Variants in TMEM207 observed in about 807,000 individuals in gnomAD.
The protein encoded by TMEM207 is SRSR846.
In TMEM207, 15 loss-of-function variants were observed where a neutral mutation model predicts 17.4. The observed-to-expected ratio is 0.86, with a 90% confidence interval of 0.58 to 1.33. The LOEUF is 1.33. TMEM207 is among the 40% of genes most tolerant of loss of function. The pLI, the probability that TMEM207 is intolerant of heterozygous loss-of-function variation, is 0.00. For synonymous variants in TMEM207, 70 were observed against 65.6 expected (o/e 1.07, Z -0.33); for missense variants, 205 against 173.8 (o/e 1.18, Z -1.01).
Position 190,441,489 on chromosome 3 carries a change from A to G in TMEM207, c.114-7T>C, listed in dbSNP as rs1719936387. The stretch of plus-strand genomic sequence containing the variant: ...GTCATTATAATTTACACACCTGGTG[A>G]TAAAGGGAGAGCGTTAGTCCTGGAA... On this transcript the variant is annotated splice_polypyrimidine_tract_variant and splice_region_variant and intron_variant, in intron 2 of 4. Transcript: ENST00000354905. 6.2e-7 allele frequency: 1 copy of G among 1,610,208 alleles called. No homozygotes were observed. Among genetic ancestry groups the G allele is most frequent in the Admixed American group, 1.7e-5 (1 of 59,424 alleles).
At chr3:190,444,723 G>A (rs1246148585) in intron 2 of TMEM207, among the ~76,000 whole-genome samples, 3 of 152,152 alleles carry the variant, frequency 2.0e-5, no homozygotes, top group Admixed American at 2.0e-4. Flanking sequence ...TTACTCACCA[G>A]ATGTACAACT....
chr3:190,447,437 C>T (rs937448000), intron 2 of TMEM207, among the ~76,000 whole-genome samples: 2 of 152,010 alleles, frequency 1.3e-5, no homozygotes, highest in African/African-American at 4.8e-5. Flanking sequence ...AAAACTGCCT[C>T]CCTTGGTCAC....
At chr3:190,438,960 C>A (rs537254577) in intron 4 of TMEM207, among the ~76,000 whole-genome samples, 4 of 151,946 alleles carry the variant, frequency 2.6e-5, no homozygotes, top group South Asian at 4.1e-4. Flanking sequence ...GAGGCCGAGG[C>A]GGGCGGATCA....
At chr3:190,449,401 T>A (rs1720114008) in intron 1 of TMEM207, among the ~76,000 whole-genome samples, 1 of 152,196 alleles carries the variant, frequency 6.6e-6, no homozygotes, top group Non-Finnish European at 1.5e-5. Context: ...ATGTCTTAAA[T>A]TAATCTAGCC....
At chr3:190,442,065 C>T (rs1719948604) in intron 2 of TMEM207, among the ~76,000 whole-genome samples, 1 of 152,194 alleles carries the variant, frequency 6.6e-6, no homozygotes, top group South Asian at 2.1e-4. Flanking sequence ...AGTTGACCCT[C>T]CTGTGTGTGT....
intron 4 of TMEM207, among the ~76,000 whole-genome samples, chr3:190,433,555 G>C (rs1181990649): frequency 1.3e-5 from 2 of 152,034 alleles, no homozygotes; most frequent in Non-Finnish European, 2.9e-5. Flanking sequence ...AGAGATTTGG[G>C]ATACAGATGG....
At chr3:190,435,241 G>C (rs1335242357) in intron 4 of TMEM207, among the ~76,000 whole-genome samples, 2 of 152,096 alleles carry the variant, frequency 1.3e-5, no homozygotes. Flanking sequence ...GGCAGGGTAG[G>C]TTTCTTCTGA....
At chr3:190,431,541 G>A (rs1293833404) in intron 4 of TMEM207, among the ~76,000 whole-genome samples, 1 of 152,068 alleles carries the variant, frequency 6.6e-6, no homozygotes, top group African/African-American at 2.4e-5. Context: ...AGTTTGGGTT[G>A]ATGTCAGATA....
chr3:190,441,240 A>T (rs1253611823), intron 3 of TMEM207, among the ~76,000 whole-genome samples, 198 bp downstream of exon 3: 1 of 152,186 alleles, frequency 6.6e-6, no homozygotes, highest in East Asian at 1.9e-4. Flanking sequence ...TTATTTTTTA[A>T]AATAGTGAGT....
At chr3:190,438,289 GT>G (rs568899556) in intron 4 of TMEM207, among the ~76,000 whole-genome samples, 4 of 145,062 alleles carry the variant, frequency 2.8e-5, no homozygotes, top group South Asian at 4.4e-4. Context: ...AGGTTGTTTG[GT>G]TTTTTTTTCT....
intron 2 of TMEM207, 118 bp from the exon 3 acceptor site, chr3:190,441,600 C>T (rs1719939664): frequency 1.4e-6 from 1 of 719,908 alleles, no homozygotes; most frequent in Admixed American, 2.6e-5. Context: ...CCTACATATT[C>T]CCATACCAGC....
At chr3:190,438,933 T>A (rs568304361) in intron 4 of TMEM207, among the ~76,000 whole-genome samples, 3 of 152,252 alleles carry the variant, frequency 2.0e-5, no homozygotes, top group East Asian at 3.9e-4. Flanking sequence ...CTCACGCCTG[T>A]AATCCCAGCA....
At chr3:190,433,365 T>C (rs752688895) in intron 4 of TMEM207, among the ~76,000 whole-genome samples, 8 of 152,202 alleles carry the variant, frequency 5.3e-5, no homozygotes, top group Non-Finnish European at 1.0e-4. Context: ...AACTCCAAAA[T>C]TCCTTTGACA....
chr3:190,440,139 A>G, intron 4 of TMEM207, 105 bp downstream of exon 4: 1 of 1,399,738 alleles, frequency 7.1e-7, no homozygotes, highest in Non-Finnish European at 9.6e-7. Context: ...AATAAGCCAC[A>G]TCTTTTTCTA....
intron 1 of TMEM207, among the ~76,000 whole-genome samples, chr3:190,449,195 G>A (rs878859152): frequency 6.6e-6 from 1 of 152,140 alleles, no homozygotes; most frequent in South Asian, 2.1e-4. Flanking sequence ...AAGAGGTAAG[G>A]AAAGCTATAA....
chr3:190,434,621 G>GA (rs1222985469), intron 4 of TMEM207, among the ~76,000 whole-genome samples: 5 of 151,888 alleles, frequency 3.3e-5, no homozygotes, highest in Non-Finnish European at 7.4e-5. Flanking sequence ...CAAAAAGAAT[G>GA]AAAAAAAATT....
rs775585472 is a variant in TMEM207, at chr3:190,447,789, C to T, written c.113+1G>A. The T allele has an allele frequency of 3.1e-6, 5 of 1,611,560 alleles. No individual in the cohort carries two copies. Among genetic ancestry groups the T allele is most frequent in the East Asian group, 2.2e-5 (1 of 44,802 alleles). ...CATGGAGTTTTTCGCTGTTTACTTA[C>T]ATTTCATCTTCTTCGCATGGTAGGT... is the stretch of plus-strand genomic sequence containing the variant. On this transcript the variant is annotated splice_donor_variant, in intron 2 of 4. Transcript: ENST00000354905. LOFTEE classifies it high-confidence loss of function.
chr3:190,436,591 A>G (rs1421758283), intron 4 of TMEM207, among the ~76,000 whole-genome samples: 2 of 152,216 alleles, frequency 1.3e-5, no homozygotes, highest in East Asian at 3.9e-4. Flanking sequence ...TGTAGCCACA[A>G]AAGCAAGTGG....
rs894630921 is a variant in TMEM207, at chr3:190,448,349, A to G, written c.76-522T>C. ...TAAGGTCCATTTAAGATCACATGAC[A>G]TTCCAGTTGAGATTTACAGTCTTCT... On this transcript the variant is annotated intron_variant, in intron 1 of 4. Transcript: ENST00000354905. Among the ~76,000 whole-genome samples the G allele has an allele frequency of 3.9e-5, 6 of 152,256 alleles. No individual in the cohort carries two copies. The East Asian group carries it at 9.7e-4, about 25-fold the overall frequency.
Sources: allele counts gnomAD v4.1 joint callset (sites outside exome capture counted in the v4.1 genomes callset), GRCh38; gene constraint gnomAD v4.1.1; transcripts MANE v1.5; gene names NCBI Gene and HGNC (gene_info 2026-07-23, HGNC 2026-07-21).